Variants in KIRREL3 observed in about 807,000 individuals in gnomAD.
KIRREL3 encodes the protein kin of IRRE-like protein 3.
In KIRREL3, 36 loss-of-function variants were observed where a neutral mutation model predicts 89.7. That is an observed-to-expected ratio of 0.40 (90% CI 0.31 to 0.53). The LOEUF (loss-of-function observed/expected upper bound fraction) is 0.53, where lower values mean the gene tolerates loss of function less well. Ranked by LOEUF, KIRREL3 falls within the 20% of genes least tolerant of loss-of-function variation. The probability of loss-of-function intolerance (pLI) is 0.49; values close to 1 mark genes in which losing one functional copy is unlikely to be tolerated. For missense variants in KIRREL3, 864 were observed against 1,056.6 expected (o/e 0.82, Z 2.53); for synonymous variants, 445 against 441.4 (o/e 1.01, Z -0.10).
Position 126,734,672 on chromosome 11 carries a change from A to T in KIRREL3, c.56-171760T>A, listed in dbSNP as rs1290981280. Among the ~76,000 whole-genome samples the T allele has an allele frequency of 6.6e-6, 1 of 152,200 alleles. No individual in the cohort carries two copies. Among genetic ancestry groups the T allele is most frequent in the Non-Finnish European group, 1.5e-5 (1 of 68,040 alleles). ...TGAAACTCTGTCTCAAAAGAAAAAA[A>T]AAAAGAAATTTAGTATTCTATGTAC... is the stretch of plus-strand genomic sequence containing the variant. On this transcript the variant is annotated intron_variant, in intron 1 of 16. Transcript: ENST00000525144. The surrounding 1 kb of genome is among the most constrained non-coding windows in gnomAD (Gnocchi z 5.9).
Position 126,900,838 on chromosome 11 carries a change from G to T in KIRREL3, c.55+99617C>A, listed in dbSNP as rs1206011759. Among the ~76,000 whole-genome samples the T allele has an allele frequency of 6.6e-6, 1 of 152,110 alleles. No homozygotes were observed. The highest frequency in any genetic ancestry group is 1.5e-5 in the Non-Finnish European group (1 of 68,030). ...AGGGAATGCATTGTACTTATTTAAA[G>T]ACATTTTCAAAACAGTTGCAAGTTA... On this transcript the variant is annotated intron_variant, in intron 1 of 16. Coordinates refer to ENST00000525144, the MANE Select transcript of KIRREL3 (RefSeq NM_032531.4). The surrounding 1 kb of genome is among the most constrained non-coding windows in gnomAD (Gnocchi z 4.4).
intron 1 of KIRREL3, among the ~76,000 whole-genome samples, chr11:126,836,514 T>C (rs1943786888): frequency 6.6e-6 from 1 of 152,188 alleles, no homozygotes; most frequent in South Asian, 2.1e-4. Context: ...CTTTACTGTA[T>C]TGACAATCTG....
intron 1 of KIRREL3, among the ~76,000 whole-genome samples, chr11:126,926,759 G>A (rs980170625): frequency 1.3e-5 from 2 of 152,180 alleles, no homozygotes; most frequent in Admixed American, 6.5e-5. Context: ...TCTGACGTTG[G>A]GTGGCTTCTG....
chr11:126,785,435 C>T (rs914589578), intron 1 of KIRREL3, among the ~76,000 whole-genome samples: 2 of 152,110 alleles, frequency 1.3e-5, no homozygotes, highest in African/African-American at 4.8e-5. Context: ...CATCACATGC[C>T]CTGTGATATG....
In KIRREL3 at chr11:126,522,507, C is replaced by T. The variant is rs111733890; in HGVS notation, c.284-1043G>A. 0.014 allele frequency among the ~76,000 whole-genome samples: 2,166 copies of T among 152,158 alleles called. 22 individuals are homozygous for T. The highest frequency in any genetic ancestry group is 0.041 in the South Asian group (199 of 4,808). On this transcript the variant is annotated intron_variant, in intron 3 of 16. Transcript: ENST00000525144. This position sits in a 1 kb window ranked among gnomAD's most constrained non-coding sequence, Gnocchi z 6.0. ...TGACGCACTTATGAAGTGCTCAGGA[C>T]GCTTAAGAATTGGGGGCCCCTTGTA...
chr11:126,618,514 A>G lies in KIRREL3; in HGVS notation c.56-55602T>C, dbSNP rs149660771. On this transcript the variant is annotated intron_variant, in intron 1 of 16. Coordinates refer to ENST00000525144, the MANE Select transcript of KIRREL3 (RefSeq NM_032531.4). ...CAGTGGCACAATCTTGGCTCACTGC[A>G]AACTCCGCCTCCTGGGTTCAAGCGA... is the stretch of plus-strand genomic sequence containing the variant. 2.7e-3 allele frequency among the ~76,000 whole-genome samples: 413 copies of G among 152,288 alleles called. 2 individuals are homozygous for G. The highest frequency in any genetic ancestry group is 9.6e-3 in the African/African-American group (400 of 41,554).
intron 1 of KIRREL3, among the ~76,000 whole-genome samples, chr11:126,663,263 G>A (rs1000697812): frequency 3.8e-5 from 5 of 131,534 alleles, no homozygotes; most frequent in East Asian, 5.0e-4. Context: ...TTCTTTCACC[G>A]CAAACTCTGC....
In KIRREL3 at chr11:126,491,250, A is replaced by C. The variant is rs1048427880; in HGVS notation, c.434-17784T>G. On this transcript the variant is annotated intron_variant, in intron 4 of 16. Coordinates refer to ENST00000525144, the MANE Select transcript of KIRREL3 (RefSeq NM_032531.4). The surrounding 1 kb of genome is among the most constrained non-coding windows in gnomAD (Gnocchi z 5.5). ...CCTGAGGGTCAGGAAGGCTGAGTGA[A>C]GGCCAGAAGCCTGTGAGCCTGAAAC... 2.0e-5 allele frequency among the ~76,000 whole-genome samples: 3 copies of C among 152,218 alleles called. No homozygotes were observed. Among genetic ancestry groups the C allele is most frequent in the Non-Finnish European group, 4.4e-5 (3 of 68,040 alleles).
At position 126,427,925 on chromosome 11, in the gene KIRREL3, CT is replaced by C. The variant is rs1300306756; in HGVS notation, c.1806+1253del. 6.6e-6 allele frequency among the ~76,000 whole-genome samples: 1 copy of C among 152,104 alleles called. No homozygotes were observed. The highest frequency in any genetic ancestry group is 1.5e-5 in the Non-Finnish European group (1 of 68,016). Reference sequence around the variant, plus strand: ...ACAGGTGGGGCACACATTTGAGACACTTTTTGAAGTGGAATTGACAGGACCT... The same window carrying C: ...ACAGGTGGGGCACACATTTGAGACACTTTTGAAGTGGAATTGACAGGACCT... On this transcript the variant is annotated intron_variant, in intron 15 of 16. Transcript: ENST00000525144. This position sits in a 1 kb window ranked among gnomAD's most constrained non-coding sequence, Gnocchi z 5.3.
At chr11:126,597,203 C>G (rs1942438071) in intron 1 of KIRREL3, among the ~76,000 whole-genome samples, 1 of 152,218 alleles carries the variant, frequency 6.6e-6, no homozygotes, top group Non-Finnish European at 1.5e-5. Context: ...GGGGCCCTCT[C>G]TGGTCAAGAG....
intron 1 of KIRREL3, among the ~76,000 whole-genome samples, chr11:126,875,508 G>C (rs149003189): frequency 3.9e-4 from 59 of 152,280 alleles, no homozygotes; most frequent in African/African-American, 1.4e-3. Flanking sequence ...CTCTGGAGTC[G>C]TGGCAATAAT....
In KIRREL3 at chr11:126,455,197, T is replaced by C. The variant is rs1198736606; in HGVS notation, c.848+1152A>G. Reference sequence around the variant, plus strand: ...GGCTCCACCACTAAGCCTGGTCTGGTGGAAAGAGACCAGGCTGAGTCAGGG... The same window carrying C: ...GGCTCCACCACTAAGCCTGGTCTGGCGGAAAGAGACCAGGCTGAGTCAGGG... On this transcript the variant is annotated intron_variant, in intron 7 of 16. Transcript: ENST00000525144. This position sits in a 1 kb window ranked among gnomAD's most constrained non-coding sequence, Gnocchi z 6.4. Among the ~76,000 whole-genome samples the C allele has an allele frequency of 6.6e-6, 1 of 152,156 alleles. No homozygotes were observed. The highest frequency in any genetic ancestry group is 1.9e-4 in the East Asian group (1 of 5,174).
chr11:126,911,827 CA>C (rs1188310499), intron 1 of KIRREL3, among the ~76,000 whole-genome samples: 1 of 151,546 alleles, frequency 6.6e-6, no homozygotes, highest in African/African-American at 2.4e-5. Context: ...ACTAAAAATC[CA>C]AAAAATTAGC....
In KIRREL3 at chr11:126,685,974, C is replaced by T. The variant is rs975529718; in HGVS notation, c.56-123062G>A. On this transcript the variant is annotated intron_variant, in intron 1 of 16. Coordinates refer to ENST00000525144, the MANE Select transcript of KIRREL3 (RefSeq NM_032531.4). The surrounding 1 kb of genome is among the most constrained non-coding windows in gnomAD (Gnocchi z 5.5). ...TACTCCTTTGCTCCACCCGGCTCTG[C>T]CTCTGTTCCCTTCACCTGCTTCTTC... 6.6e-6 allele frequency among the ~76,000 whole-genome samples: 1 copy of T among 152,228 alleles called. No individual in the cohort carries two copies. Among genetic ancestry groups the T allele is most frequent in the African/African-American group, 2.4e-5 (1 of 41,462 alleles).
rs929123282 is a variant in KIRREL3, at chr11:126,892,746, T to A, written c.55+107709A>T. On this transcript the variant is annotated intron_variant, in intron 1 of 16. Coordinates refer to ENST00000525144, the MANE Select transcript of KIRREL3 (RefSeq NM_032531.4). The surrounding 1 kb of genome is among the most constrained non-coding windows in gnomAD (Gnocchi z 5.4). Reference sequence around the variant, plus strand: ...CCTGACTTCTATGCCCCCAGCACTATGGCCATGACAGCCTCCAGATAGGAG... The same window carrying A: ...CCTGACTTCTATGCCCCCAGCACTAAGGCCATGACAGCCTCCAGATAGGAG... 6.6e-6 allele frequency among the ~76,000 whole-genome samples: 1 copy of A among 152,206 alleles called. No individual in the cohort carries two copies. Among genetic ancestry groups the A allele is most frequent in the Non-Finnish European group, 1.5e-5 (1 of 68,030 alleles).
intron 2 of KIRREL3, among the ~76,000 whole-genome samples, chr11:126,559,079 T>TG (rs981870300): frequency 6.6e-6 from 1 of 151,946 alleles, no homozygotes; most frequent in African/African-American, 2.4e-5. Context: ...AAACTACCCC[T>TG]GGGGAAGGCC....
intron 4 of KIRREL3, among the ~76,000 whole-genome samples, chr11:126,511,323 C>T (rs1367114668): frequency 1.6e-5 from 2 of 125,432 alleles, no homozygotes; most frequent in African/African-American, 6.9e-5. Context: ...GACTCCATCT[C>T]AAAGAAAAAA....
chr11:126,431,655 G>T lies in KIRREL3; in HGVS notation c.1589-129C>A. The T allele has an allele frequency of 2.2e-6, 2 of 896,984 alleles. No individual in the cohort carries two copies. The highest frequency in any genetic ancestry group is 1.6e-5 in the South Asian group (1 of 62,060). 55.6% of individuals were successfully genotyped at this position (896,984 alleles called of 1,614,324 possible). On this transcript the variant is annotated intron_variant, in intron 13 of 16. Transcript: ENST00000525144. This position sits in a 1 kb window ranked among gnomAD's most constrained non-coding sequence, Gnocchi z 7.1. ...CCCTCCTGGGAAATGCCTCAGTGGG[G>T]CCTGGGCAGGCACAGGCCGAGTCCA...
At position 126,495,572 on chromosome 11, in the gene KIRREL3, C is replaced by T. The variant is rs577934077; in HGVS notation, c.434-22106G>A. 1.8e-4 allele frequency among the ~76,000 whole-genome samples: 28 copies of T among 152,208 alleles called. No individual in the cohort carries two copies. Among genetic ancestry groups the T allele is most frequent in the South Asian group, 4.2e-4 (2 of 4,812 alleles). On this transcript the variant is annotated intron_variant, in intron 4 of 16. Coordinates refer to ENST00000525144, the MANE Select transcript of KIRREL3 (RefSeq NM_032531.4). This position sits in a 1 kb window ranked among gnomAD's most constrained non-coding sequence, Gnocchi z 6.5. ...TTGTTTATACCTGGCCTTCCTCCTC[C>T]GGGTCTAGCGCCACCCCAGCAGCAG...
Sources: allele counts gnomAD v4.1 joint callset (sites outside exome capture counted in the v4.1 genomes callset), GRCh38; gene constraint gnomAD v4.1.1; non-coding constraint Gnocchi (gnomAD v3.1); transcripts MANE v1.5; gene names NCBI Gene and HGNC (gene_info 2026-07-23, HGNC 2026-07-21).